ZNF280D: variants seen among roughly 807,000 people sequenced by gnomAD.
The protein encoded by ZNF280D is zinc finger protein 280D.
Under a neutral mutation model 94.7 loss-of-function variants are expected in ZNF280D, and 39 were observed. The observed-to-expected ratio is 0.41, with a 90% confidence interval of 0.32 to 0.54. ZNF280D has a LOEUF of 0.54. ZNF280D is among the 20% of genes least tolerant of loss of function. The pLI, the probability that ZNF280D is intolerant of heterozygous loss-of-function variation, is 0.22. For missense variants in ZNF280D, 1,090 were observed against 1,149.3 expected (o/e 0.95, Z 0.75); for synonymous variants, 398 against 377.6 (o/e 1.05, Z -0.63).
At chr15:56,662,921 G>A (rs544632794) in intron 16 of ZNF280D, among the ~76,000 whole-genome samples, 1 of 151,652 alleles carries the variant, frequency 6.6e-6, no homozygotes, top group Admixed American at 6.6e-5. Flanking sequence ...AAAAAAGAAG[G>A]TAAACTGAGA....
In ZNF280D at chr15:56,659,631, C is replaced by T. The variant is rs376179062; in HGVS notation, c.1995-1145G>A. On this transcript the variant is annotated intron_variant, in intron 16 of 21. Coordinates refer to ENST00000267807, the MANE Select transcript of ZNF280D (RefSeq NM_017661.4). ...AATACTATCCACAGTTTCAGGCGTT[C>T]ACTGGGGGGTCTTGGAATATATACC... 3.1e-4 allele frequency among the ~76,000 whole-genome samples: 47 copies of T among 152,040 alleles called. No individual in the cohort carries two copies. In the South Asian group the frequency reaches 7.9e-3, roughly 26 times the overall value.
intron 1 of ZNF280D, among the ~76,000 whole-genome samples, chr15:56,712,875 G>A (rs2057845161): frequency 6.6e-6 from 1 of 151,396 alleles, no homozygotes; most frequent in African/African-American, 2.4e-5. Context: ...CGAGTAGCTG[G>A]GATTATAGGT....
intron 13 of ZNF280D, among the ~76,000 whole-genome samples, chr15:56,670,897 T>C (rs1333566983): frequency 1.3e-5 from 2 of 152,148 alleles, no homozygotes; most frequent in Non-Finnish European, 2.9e-5. Context: ...AGATGGTATC[T>C]CACTGTAGTT....
At chr15:56,672,139 A>G (rs1389438936) in intron 13 of ZNF280D, among the ~76,000 whole-genome samples, 1 of 152,092 alleles carries the variant, frequency 6.6e-6, no homozygotes, top group Non-Finnish European at 1.5e-5. Context: ...AGATAGTTTG[A>G]CTTCCTCTCT....
rs2052043623 is a variant in ZNF280D at position 56,630,801 on chromosome 15, A to G, written c.*697T>C. 6.6e-6 allele frequency: 1 copy of G among 152,254 alleles called. No individual in the cohort carries two copies. Among genetic ancestry groups the G allele is most frequent in the Admixed American group, 6.5e-5 (1 of 15,272 alleles). The allele number at this position is 152,254 out of a possible 1,614,324, so 9.4% of individuals were successfully genotyped here. A position where few individuals can be genotyped will look rare whatever the true frequency, so the allele number is the denominator to read the frequency against. Reference sequence around the variant, plus strand: ...AGCACAAATATAAATTTATATCTTAATAATTCCACTTTCACTGAAAGTTTA... The same window carrying G: ...AGCACAAATATAAATTTATATCTTAGTAATTCCACTTTCACTGAAAGTTTA... On this transcript the variant is annotated 3_prime_UTR_variant, in exon 22 of 22. Coordinates refer to ENST00000267807, the MANE Select transcript of ZNF280D (RefSeq NM_017661.4).
chr15:56,685,340 A>G (rs576273985), intron 9 of ZNF280D, among the ~76,000 whole-genome samples: 84 of 130,704 alleles, frequency 6.4e-4, no homozygotes, highest in African/African-American at 2.2e-3. Context: ...ACATAAGGTA[A>G]AAAAACAAAA....
chr15:56,650,944 C>T (rs117595816), intron 19 of ZNF280D, among the ~76,000 whole-genome samples: 5,519 of 152,246 alleles, frequency 0.036, 343 homozygotes, highest in Admixed American at 0.16. Context: ...CCTTCCAACA[C>T]CTACCCCATA....
chr15:56,630,427 A>C lies in ZNF280D; in HGVS notation c.*1071T>G, dbSNP rs1320826712. On this transcript the variant is annotated 3_prime_UTR_variant, in exon 22 of 22. Coordinates refer to ENST00000267807, the MANE Select transcript of ZNF280D (RefSeq NM_017661.4). ...GATGATAAAAAGAACTGAAAAATCA[A>C]TTTAGCAGCCATCTTATAGATAAAT... 3 of 152,164 alleles carry C rather than the reference A, an allele frequency of 2.0e-5. No individual in the cohort carries two copies. Among genetic ancestry groups the C allele is most frequent in the Non-Finnish European group, 4.4e-5 (3 of 67,988 alleles). The allele number at this position is 152,164 out of a possible 1,614,324, so 9.4% of individuals were successfully genotyped here. A position where few individuals can be genotyped will look rare whatever the true frequency, so the allele number is the denominator to read the frequency against.
intron 1 of ZNF280D, among the ~76,000 whole-genome samples, chr15:56,723,890 C>T (rs769824103): frequency 6.6e-5 from 10 of 152,158 alleles, no homozygotes; most frequent in Non-Finnish European, 1.3e-4. Context: ...CCTAACCTAC[C>T]GAACATCACA....
intron 1 of ZNF280D, among the ~76,000 whole-genome samples, chr15:56,718,399 T>G (rs183611568): frequency 9.5e-4 from 144 of 152,294 alleles, no homozygotes; most frequent in Admixed American, 7.3e-3. Context: ...CCCAATGAAA[T>G]CAACTGCTTC....
At chr15:56,656,684 T>G (rs1169352605) in intron 17 of ZNF280D, among the ~76,000 whole-genome samples, 3 of 152,194 alleles carry the variant, frequency 2.0e-5, no homozygotes, top group Non-Finnish European at 4.4e-5. Context: ...TTTCAATATA[T>G]ACATTAATTT....
Position 56,666,751 on chromosome 15 carries a change from A to C in ZNF280D, c.1781T>G (p.Met594Arg), listed in dbSNP as rs548823470. 10 of 1,613,428 alleles carry C rather than the reference A, an allele frequency of 6.2e-6. No homozygotes were observed. The South Asian group carries it at 1.1e-4, about 18-fold the overall frequency. ...KSKYKPKISN[M>R]QKKQSTLASS... The stretch of plus-strand genomic sequence containing the variant: ...AGCCAATGTGCTTTGTTTCTTTTGC[A>C]TATTAGAGATTTTTGGTTTGTATTT... Residue 594 changes from methionine to arginine, a missense_variant, in exon 15 of 22, where the codon ATG becomes AGG. This residue lies in a region of ZNF280D where 577 missense variants were observed against 568.8 expected (regional missense o/e 1.01). Coordinates refer to ENST00000267807, the MANE Select transcript of ZNF280D (RefSeq NM_017661.4).
chr15:56,669,985 TA>T (rs1245841476), intron 13 of ZNF280D, among the ~76,000 whole-genome samples: 9 of 864 alleles, frequency 0.01, 3 homozygotes, highest in African/African-American at 0.033. Flanking sequence ...ATATATATAT[TA>T]TATATATATA....
intron 9 of ZNF280D, among the ~76,000 whole-genome samples, chr15:56,686,174 T>A (rs1478930579): frequency 6.6e-6 from 1 of 152,228 alleles, no homozygotes; most frequent in Admixed American, 6.5e-5. Context: ...AGTCTCACTC[T>A]GTTACCCAGG....
Position 56,658,435 on chromosome 15 carries a change from T to G in ZNF280D, c.2046A>C (p.Ser682=), listed in dbSNP as rs1329181976. 2.5e-6 allele frequency: 4 copies of G among 1,589,382 alleles called. No individual in the cohort carries two copies. Among genetic ancestry groups the G allele is most frequent in the East Asian group, 2.3e-5 (1 of 43,832 alleles). Residue 682 remains serine, a synonymous_variant, in exon 17 of 22, where the codon TCA becomes TCC. Coordinates refer to ENST00000267807, the MANE Select transcript of ZNF280D (RefSeq NM_017661.4). ...SKRFCIFKKH[S]ENLRGITLVC... ...GATCAACTAGTTACCGGAGATTTTC[T>G]GAATGCTTCTTAAAAATACAAAACC... is the stretch of plus-strand genomic sequence containing the variant.
In ZNF280D at chr15:56,658,413, C is replaced by T. The variant is rs201517937; in HGVS notation, c.2057+11G>A. 1 of 1,577,818 alleles carries T rather than the reference C, an allele frequency of 6.3e-7. No individual in the cohort carries two copies. The highest frequency in any genetic ancestry group is 8.6e-7 in the Non-Finnish European group (1 of 1,166,608). On this transcript the variant is annotated intron_variant, in intron 17 of 21. Coordinates refer to ENST00000267807, the MANE Select transcript of ZNF280D (RefSeq NM_017661.4). ...TTCAATAGAAAGAGTAAAAAAAGAT[C>T]AACTAGTTACCGGAGATTTTCTGAA... is the stretch of plus-strand genomic sequence containing the variant.
At chr15:56,694,697 C>G (rs1221723025) in intron 6 of ZNF280D, among the ~76,000 whole-genome samples, 1 of 151,970 alleles carries the variant, frequency 6.6e-6, no homozygotes, top group Non-Finnish European at 1.5e-5. Flanking sequence ...GTGTCAAGTT[C>G]ATGGAAGACA....
chr15:56,669,323 G>A (rs2054515212), intron 13 of ZNF280D, among the ~76,000 whole-genome samples: 1 of 151,888 alleles, frequency 6.6e-6, no homozygotes, highest in African/African-American at 2.4e-5. Flanking sequence ...TCTAATTTTT[G>A]CTATTTCTAG....
chr15:56,701,329 G>C (rs1199349370), intron 4 of ZNF280D, 91 bp from the exon 5 acceptor site: 3 of 938,250 alleles, frequency 3.2e-6, no homozygotes, highest in East Asian at 2.7e-5. Context: ...CATTTAAACA[G>C]ATTTATGGAA....
Sources: allele counts gnomAD v4.1 joint callset (sites outside exome capture counted in the v4.1 genomes callset), GRCh38; gene constraint gnomAD v4.1.1; regional missense constraint gnomAD v4.1.1; transcripts MANE v1.5; gene names NCBI Gene and HGNC (gene_info 2026-07-23, HGNC 2026-07-21).